QTMAN: variants seen among roughly 807,000 people sequenced by gnomAD.
QTMAN encodes the protein queuosine-tRNA mannosyltransferase, also known as tRNA-queuosine alpha-mannosyltransferase.
At chr2:144,250,108 T>G in the QTMAN span, among the ~76,000 whole-genome samples, 1 of 150,186 alleles carries the variant, frequency 6.7e-6, no homozygotes, top group Non-Finnish European at 1.5e-5. Context: ...CTTATCACAC[T>G]GCCGTGGTTT....
At chr2:144,050,514 T>C in the QTMAN span, among the ~76,000 whole-genome samples, 1 of 152,164 alleles carries the variant, frequency 6.6e-6, no homozygotes, top group African/African-American at 2.4e-5. Flanking sequence ...GTTGCTTTTA[T>C]GATACAATGG....
chr2:144,153,409 T>C, the QTMAN span, among the ~76,000 whole-genome samples: 6 of 152,132 alleles, frequency 3.9e-5, no homozygotes, highest in Admixed American at 3.9e-4. Flanking sequence ...ATACAGAAGA[T>C]ATAAAACCAG....
At chr2:144,160,007 C>G in the QTMAN span, among the ~76,000 whole-genome samples, 1 of 151,926 alleles carries the variant, frequency 6.6e-6, no homozygotes, top group African/African-American at 2.4e-5. Context: ...AATTCCATAA[C>G]AGTACACGTA....
chr2:144,154,148 T>C, the QTMAN span, among the ~76,000 whole-genome samples: 49 of 152,318 alleles, frequency 3.2e-4, no homozygotes, highest in Non-Finnish European at 5.4e-4. Context: ...AAAGAAGAAC[T>C]ATACAAAAGT....
At chr2:144,327,271 G>C in the QTMAN span, among the ~76,000 whole-genome samples, 1 of 148,082 alleles carries the variant, frequency 6.8e-6, no homozygotes, top group African/African-American at 2.5e-5. Context: ...TCATCTGTTT[G>C]CCTTTGCAAT....
At chr2:144,205,866 C>T in the QTMAN span, among the ~76,000 whole-genome samples, 1 of 152,110 alleles carries the variant, frequency 6.6e-6, no homozygotes, top group African/African-American at 2.4e-5. Flanking sequence ...ACATTCAAAA[C>T]TTTTTTCTGT....
the QTMAN span, among the ~76,000 whole-genome samples, chr2:144,116,810 T>C: frequency 6.6e-6 from 1 of 152,172 alleles, no homozygotes; most frequent in South Asian, 2.1e-4. Flanking sequence ...GTTTTACAGA[T>C]AAGAAAAGGG....
At chr2:143,991,803 C>T in the QTMAN span, among the ~76,000 whole-genome samples, 7 of 150,434 alleles carry the variant, frequency 4.7e-5, no homozygotes, top group East Asian at 2.0e-4. Context: ...GCCCCCTGCC[C>T]GGCCAGCCGC....
chr2:144,255,696 AGAG>A, the QTMAN span, among the ~76,000 whole-genome samples: 13 of 152,244 alleles, frequency 8.5e-5, no homozygotes, highest in African/African-American at 2.9e-4. Context: ...TGAAGGAGGG[AGAG>A]AAGAAGGGAT....
the QTMAN span, among the ~76,000 whole-genome samples, chr2:144,302,872 G>C: frequency 2.7e-5 from 4 of 148,648 alleles, no homozygotes; most frequent in African/African-American, 9.7e-5. Context: ...AGGCCGAGGC[G>C]GGGGGGATCA....
chr2:144,203,339 AT>A, the QTMAN span, among the ~76,000 whole-genome samples: 1 of 152,180 alleles, frequency 6.6e-6, no homozygotes, highest in African/African-American at 2.4e-5. Context: ...GGTCAGCTAC[AT>A]TTTCAACATA....
the QTMAN span, among the ~76,000 whole-genome samples, chr2:144,044,112 T>C: frequency 1.8e-3 from 269 of 152,304 alleles, no homozygotes; most frequent in African/African-American, 6.2e-3. Context: ...GGTTTAACCA[T>C]TAGCATCAAC....
At chr2:144,324,718 A>T in the QTMAN span, among the ~76,000 whole-genome samples, 1 of 152,194 alleles carries the variant, frequency 6.6e-6, no homozygotes, top group East Asian at 1.9e-4. Context: ...CTTAAAGACC[A>T]AGAGGTGAAA....
the QTMAN span, among the ~76,000 whole-genome samples, chr2:144,293,385 C>A: frequency 2.6e-5 from 4 of 152,276 alleles, no homozygotes; most frequent in Non-Finnish European, 2.9e-5. Flanking sequence ...AAAATTGCTC[C>A]ACTGCATTAG....
At chr2:144,297,671 C>T in the QTMAN span, among the ~76,000 whole-genome samples, 1 of 150,474 alleles carries the variant, frequency 6.6e-6, no homozygotes, top group East Asian at 2.0e-4. Flanking sequence ...ATCTCCACCT[C>T]CCGGGTTCAA....
At chr2:144,204,693 C>G in the QTMAN span, among the ~76,000 whole-genome samples, 5,795 of 152,124 alleles carry the variant, frequency 0.038, 364 homozygotes, top group African/African-American at 0.13. Context: ...CACATGCACA[C>G]GTATGTTTAT....
chr2:144,158,418 T>C, the QTMAN span, among the ~76,000 whole-genome samples: 1 of 152,070 alleles, frequency 6.6e-6, no homozygotes, highest in Non-Finnish European at 1.5e-5. Context: ...GTAGTGGATA[T>C]GCTACCTGCT....
the QTMAN span, among the ~76,000 whole-genome samples, chr2:144,321,670 A>G: frequency 6.6e-5 from 10 of 152,162 alleles, no homozygotes; most frequent in Admixed American, 6.5e-4. Context: ...CAGCACAATC[A>G]TAGCTCACTG....
At chr2:144,034,545 G>C in the QTMAN span, among the ~76,000 whole-genome samples, 3 of 152,134 alleles carry the variant, frequency 2.0e-5, no homozygotes, top group African/African-American at 7.2e-5. Context: ...ATGAGAGATG[G>C]AGGGTTGCCA....
Sources: gnomAD v4.1 joint callset for allele counts (sites outside exome capture counted in the v4.1 genomes callset) on GRCh38, gnomAD v4.1.1 for gene constraint, MANE v1.5 for transcripts, NCBI Gene and HGNC (gene_info 2026-07-23, HGNC 2026-07-21) for gene names.